The following FAM47E variants were observed in gnomAD, a reference collection of about 807,000 sequenced individuals.
FAM47E encodes family with sequence similarity 47 member E.
Under a neutral mutation model 41.6 loss-of-function variants are expected in FAM47E, and 32 were observed. The ratio of observed to expected loss-of-function variants is 0.77; its 90% CI spans 0.58 to 1.03. The LOEUF (loss-of-function observed/expected upper bound fraction) is 1.03. Among genes scored for constraint, FAM47E ranks in the 50% least tolerant of loss-of-function variants. The pLI, the probability that FAM47E is intolerant of heterozygous loss-of-function variation, is 0.00. For missense variants in FAM47E, 424 were observed against 485.4 expected (o/e 0.87, Z 1.19); for synonymous variants, 184 against 188.7 (o/e 0.98, Z 0.20).
intron 2 of FAM47E, among the ~76,000 whole-genome samples, chr4:76,244,533 CTTTTTTTTTT>C (rs71212407): frequency 3.0e-5 from 2 of 66,054 alleles, no homozygotes; most frequent in Non-Finnish European, 5.3e-5. Context: ...AGGCATTCTT[CTTTTTTTTTT>C]TTTTTTTTTT....
In FAM47E at chr4:76,283,566, A is replaced by T. The variant is rs990845037; in HGVS notation, c.*108A>T. On this transcript the variant is annotated 3_prime_UTR_variant, in exon 8 of 8. Transcript: ENST00000424749. Reference sequence around the variant, plus strand: ...GTTTATGATGAGTGTCCCACTGTGGATGTTCAACTTTGACTTGGCAACATC... The same window carrying T: ...GTTTATGATGAGTGTCCCACTGTGGTTGTTCAACTTTGACTTGGCAACATC... The T allele has an allele frequency of 2.5e-5, 17 of 673,842 alleles. No homozygotes were observed. Among genetic ancestry groups the T allele is most frequent in the Non-Finnish European group, 5.1e-6 (2 of 389,044 alleles). 41.7% of individuals were successfully genotyped at this position (673,842 alleles called of 1,614,324 possible). A position where few individuals can be genotyped will look rare whatever the true frequency, so the allele number is the denominator to read the frequency against.
intron 2 of FAM47E, among the ~76,000 whole-genome samples, chr4:76,229,682 G>A (rs546366409): frequency 3.3e-5 from 5 of 152,316 alleles, no homozygotes; most frequent in East Asian, 1.9e-4. Context: ...TTCCTGTGAT[G>A]TGATCCATCT....
At chr4:76,243,302 T>C (rs1304818620) in intron 2 of FAM47E, among the ~76,000 whole-genome samples, 1 of 152,204 alleles carries the variant, frequency 6.6e-6, no homozygotes, top group African/African-American at 2.4e-5. Flanking sequence ...TGCTCATGTC[T>C]GATATAGCTG....
chr4:76,239,434 T>C lies in FAM47E; in HGVS notation c.81+21746T>C, dbSNP rs539001040. On this transcript the variant is annotated intron_variant, in intron 2 of 7. Transcript: ENST00000510197. ...TAAATAGTAGCCATCCTAATAAGGG[T>C]GGGGTGGTATCTCATTGTTATTTTG... is the stretch of plus-strand genomic sequence containing the variant. Among the ~76,000 whole-genome samples, 8 of 152,264 alleles carry C rather than the reference T, an allele frequency of 5.3e-5. No homozygotes were observed. The East Asian group carries it at 1.5e-3, about 29-fold the overall frequency.
intron 2 of FAM47E, among the ~76,000 whole-genome samples, chr4:76,235,549 GA>G (rs1417960038): frequency 6.6e-6 from 1 of 152,032 alleles, no homozygotes; most frequent in African/African-American, 2.4e-5. Context: ...AAAAAACCTG[GA>G]AAAATCTCAG....
upstream of FAM47E, among the ~76,000 whole-genome samples, chr4:76,249,787 C>G (rs1361564891): frequency 6.6e-6 from 1 of 152,026 alleles, no homozygotes; most frequent in East Asian, 1.9e-4. Context: ...TGAGAATGTA[C>G]AATGTTTGGT....
intron 2 of FAM47E, among the ~76,000 whole-genome samples, chr4:76,237,740 G>A (rs1181144771): frequency 6.6e-6 from 1 of 152,168 alleles, no homozygotes; most frequent in Non-Finnish European, 1.5e-5. Context: ...GGTGAAGGGG[G>A]AGCAGGCACA....
At chr4:76,265,879 T>C (rs56060342) in intron 3 of FAM47E, among the ~76,000 whole-genome samples, 84,887 of 152,058 alleles carry the variant, frequency 0.56, 24,386 homozygotes, top group Middle Eastern at 0.65. Context: ...GACACCAACT[T>C]CCACTCACCA....
intron 2 of FAM47E, among the ~76,000 whole-genome samples, chr4:76,219,314 GC>G (rs1198518445): frequency 6.6e-6 from 1 of 152,162 alleles, no homozygotes; most frequent in African/African-American, 2.4e-5. Flanking sequence ...CAGTCCGGTG[GC>G]CAAAAATATA....
At chr4:76,263,987 A>G in intron 3 of FAM47E, 144 bp downstream of exon 3, 2 of 1,272,610 alleles carry the variant, frequency 1.6e-6, no homozygotes, top group Non-Finnish European at 2.1e-6. Flanking sequence ...AAGGAGTCCT[A>G]GGTACCGCTC....
At position 76,263,738 on chromosome 4, in the gene FAM47E, A is replaced by G. The variant is rs567103893; in HGVS notation, c.455A>G (p.Asp152Gly). ...AAGGTGCTGGAAGTGCTTGATCCTG[A>G]CCGGAAGCTGGAGGACACATGGGCT... is the stretch of plus-strand genomic sequence containing the variant. ...LSKVLEVLDP[D>G]RKLEDTWAYC... is the part of the protein sequence containing the mutation. The change falls in exon 3 of 8, where the codon GAC becomes GGC. Residue 152 changes from aspartate (D) to glycine (G), a missense_variant. By Grantham distance (94) the Asp-to-Gly change is moderately conservative. Transcript: ENST00000424749. 3 of 1,551,680 alleles carry G rather than the reference A, an allele frequency of 1.9e-6. No individual in the cohort carries two copies. In the African/African-American group the frequency reaches 4.1e-5, roughly 21 times the overall value.
intron 1 of FAM47E, among the ~76,000 whole-genome samples, chr4:76,252,390 G>A (rs971421511): frequency 6.6e-6 from 1 of 152,158 alleles, no homozygotes; most frequent in African/African-American, 2.4e-5. Context: ...ACAATCTTTT[G>A]AGAATGGAAT....
chr4:76,267,052 A>G (rs1226871674), intron 3 of FAM47E, among the ~76,000 whole-genome samples: 11 of 152,170 alleles, frequency 7.2e-5, no homozygotes, highest in Non-Finnish European at 1.5e-4. Context: ...CTTTCTCTAT[A>G]TAACTTATAA....
intron 2 of FAM47E, among the ~76,000 whole-genome samples, chr4:76,260,397 A>G (rs1247638234): frequency 6.6e-6 from 1 of 152,206 alleles, no homozygotes; most frequent in African/African-American, 2.4e-5. Flanking sequence ...TAGATAACCC[A>G]GAAATAAAGC....
At chr4:76,220,612 G>T (rs1358757796) in intron 2 of FAM47E, among the ~76,000 whole-genome samples, 2 of 152,226 alleles carry the variant, frequency 1.3e-5, no homozygotes, top group Non-Finnish European at 2.9e-5. Context: ...GACAGAGCTA[G>T]ATCCTGTCTC....
intron 2 of FAM47E, among the ~76,000 whole-genome samples, chr4:76,235,385 C>A (rs1399452628): frequency 6.6e-6 from 1 of 152,000 alleles, no homozygotes; most frequent in African/African-American, 2.4e-5. Flanking sequence ...AAATATAATT[C>A]TAAGCTACCT....
chr4:76,224,128 A>G (rs531990614), intron 2 of FAM47E, among the ~76,000 whole-genome samples: 1 of 152,358 alleles, frequency 6.6e-6, no homozygotes, highest in East Asian at 1.9e-4. Flanking sequence ...TGCAGATTGC[A>G]AAGTCAGAAA....
At chr4:76,276,070 C>CACACACACA (rs1452874811) in intron 5 of FAM47E, among the ~76,000 whole-genome samples, 5,829 of 142,624 alleles carry the variant, frequency 0.041, 273 homozygotes, top group East Asian at 0.18. Flanking sequence ...ACACACACAC[C>CACACACACA]CCTCCCCTAC....
At chr4:76,250,107 C>A (rs1160952947), upstream of FAM47E, among the ~76,000 whole-genome samples, 1 of 152,056 alleles carries the variant, frequency 6.6e-6, no homozygotes, top group African/African-American at 2.4e-5. Flanking sequence ...AATGGTAGAT[C>A]CACTTTTAGT....
Sources: gnomAD v4.1 joint callset for allele counts (sites outside exome capture counted in the v4.1 genomes callset) on GRCh38, gnomAD v4.1.1 for gene constraint, MANE v1.5 for transcripts, NCBI Gene and HGNC (gene_info 2026-07-23, HGNC 2026-07-21) for gene names.